C4orf50: variants seen among roughly 807,000 people sequenced by gnomAD.
C4orf50 encodes the protein uncharacterized protein C4orf50.
In C4orf50, 80 loss-of-function variants were observed where a neutral mutation model predicts 77.2. The ratio of observed to expected loss-of-function variants is 1.04; its 90% CI spans 0.87 to 1.25. The LOEUF is 1.25. Ranked by LOEUF, C4orf50 falls within the 50% of genes most tolerant of loss-of-function variation. C4orf50 has a pLI of 0.00. For missense variants in C4orf50, 1,257 were observed against 1,152.9 expected (o/e 1.09, Z -1.31); for synonymous variants, 532 against 465.3 (o/e 1.14, Z -1.84).
intron 7 of C4orf50, among the ~76,000 whole-genome samples, chr4:5,945,091 T>C (rs1345757976): frequency 6.6e-6 from 1 of 152,170 alleles, no homozygotes; most frequent in Non-Finnish European, 1.5e-5. Flanking sequence ...GCTCTAGCAC[T>C]GGAGCGTGCA....
exon 28 of C4orf50, chr4:5,988,501 G>C (rs760968901): frequency 1.2e-5 from 19 of 1,541,496 alleles, no homozygotes; most frequent in Non-Finnish European, 1.7e-5. Flanking sequence ...CCAGACCAGC[G>C]ATGGAGGGGG....
At chr4:5,961,433 A>G (rs989380431) in intron 33 of C4orf50, among the ~76,000 whole-genome samples, 2 of 152,268 alleles carry the variant, frequency 1.3e-5, no homozygotes, top group African/African-American at 4.8e-5. Context: ...ACAACAGTGA[A>G]CATTTACTGA....
At chr4:5,960,150 A>C (rs1719193131) in intron 33 of C4orf50, among the ~76,000 whole-genome samples, 1 of 152,170 alleles carries the variant, frequency 6.6e-6, no homozygotes, top group Non-Finnish European at 1.5e-5. Context: ...AGAGATTCTA[A>C]ATGCCTTCAT....
At chr4:5,985,486 A>G (rs900285184) in intron 28 of C4orf50, among the ~76,000 whole-genome samples, 2 of 152,106 alleles carry the variant, frequency 1.3e-5, no homozygotes, top group Non-Finnish European at 2.9e-5. Context: ...AATTTAAAGT[A>G]AATTTAAATA....
chr4:5,973,374 C>G (rs1017244976), intron 31 of C4orf50, among the ~76,000 whole-genome samples: 2 of 152,250 alleles, frequency 1.3e-5, no homozygotes, highest in African/African-American at 2.4e-5. Context: ...GTGACACACA[C>G]CCAATGAAGC....
chr4:5,987,412 CAAAAA>C (rs58512584), intron 28 of C4orf50, among the ~76,000 whole-genome samples: 392 of 33,610 alleles, frequency 0.012, 1 homozygote, highest in South Asian at 0.043. Context: ...CTCTGTCTCA[CAAAAA>C]AAAAAAAAAA....
At chr4:5,959,703 A>G in intron 33 of C4orf50, 77 bp from the exon 12 acceptor site, 1 of 1,507,264 alleles carries the variant, frequency 6.6e-7, no homozygotes, top group Non-Finnish European at 8.9e-7. Context: ...CATTTAATCA[A>G]AGGAAGAGAT....
Position 5,905,393 on chromosome 4 carries a change from GAGA to G in C4orf50, c.*2475-7208_*2475-7206del, listed in dbSNP as rs1367190456. 6.6e-6 allele frequency: 1 copy of G among 152,228 alleles called. No homozygotes were observed. The highest frequency in any genetic ancestry group is 1.5e-5 in the Non-Finnish European group (1 of 68,048). 9.4% of individuals were successfully genotyped at this position (152,228 alleles called of 1,614,324 possible). On this transcript the variant is annotated intron_variant, in intron 7 of 7. Transcript: ENST00000324058. This position sits in a 1 kb window ranked among gnomAD's most constrained non-coding sequence, Gnocchi z 5.4. ...GCCACCTCTGCTCTGTCGGTCAGTT[GAGA>G]AGGATGTAAATATTTTCCAGCTTGC...
Position 6,007,411 on chromosome 4 carries a change from C to T in C4orf50, c.963+585G>A, listed in dbSNP as rs1227037417. Among the ~76,000 whole-genome samples, 4 of 152,222 alleles carry T rather than the reference C, an allele frequency of 2.6e-5. No homozygotes were observed. Among genetic ancestry groups the T allele is most frequent in the African/African-American group, 9.6e-5 (4 of 41,526 alleles). On this transcript the variant is annotated intron_variant, in intron 25 of 33. Coordinates refer to ENST00000531445, the Ensembl canonical transcript of C4orf50. The surrounding 1 kb of genome is among the most constrained non-coding windows in gnomAD (Gnocchi z 4.1). The stretch of plus-strand genomic sequence containing the variant: ...CCCAGAAGGCTCCCTCTCCCTCCTG[C>T]CCTGTGAGGACCTAGTGAGAAGGCA...
At chr4:5,977,899 G>A (rs1720375080) in intron 29 of C4orf50, among the ~76,000 whole-genome samples, 1 of 152,168 alleles carries the variant, frequency 6.6e-6, no homozygotes. Flanking sequence ...AGAATTGGAG[G>A]AAATATTTGC....
At chr4:5,935,624 A>G (rs1001645676) in intron 7 of C4orf50, among the ~76,000 whole-genome samples, 2 of 151,866 alleles carry the variant, frequency 1.3e-5, no homozygotes, top group African/African-American at 4.8e-5. Flanking sequence ...CGTCTGTACT[A>G]AAAATACAAA....
chr4:6,014,315 G>A (rs1338751727), intron 23 of C4orf50, among the ~76,000 whole-genome samples: 1 of 152,094 alleles, frequency 6.6e-6, no homozygotes, highest in African/African-American at 2.4e-5. Context: ...ATTGTTTTAA[G>A]GGTTAATTAT....
chr4:5,926,893 T>C (rs538224784), intron 7 of C4orf50, among the ~76,000 whole-genome samples: 1 of 152,316 alleles, frequency 6.6e-6, no homozygotes, highest in Admixed American at 6.5e-5. Context: ...TGACCATTCA[T>C]CCGATCAGTA....
intron 25 of C4orf50, among the ~76,000 whole-genome samples, chr4:5,996,139 T>TG (rs1258892979): frequency 6.6e-6 from 1 of 152,224 alleles, no homozygotes; most frequent in Non-Finnish European, 1.5e-5. Flanking sequence ...TTGCGCCAGC[T>TG]TCCCCTCACA....
chr4:5,999,383 G>A lies in C4orf50; in HGVS notation c.964-4907C>T, dbSNP rs192585121. On this transcript the variant is annotated intron_variant, in intron 25 of 33. Coordinates refer to ENST00000531445, the Ensembl canonical transcript of C4orf50. ...ACCTCATAAGCTTGTTGTGGGGAACGCAACACATTACCACGCTGGGCAGGC... is the reference window on the plus strand; with the variant it reads ...ACCTCATAAGCTTGTTGTGGGGAACACAACACATTACCACGCTGGGCAGGC... 3.1e-4 allele frequency among the ~76,000 whole-genome samples: 47 copies of A among 152,264 alleles called. 1 individual carries two copies. Among genetic ancestry groups the A allele is most frequent in the African/African-American group, 8.7e-4 (36 of 41,542 alleles).
At chr4:5,977,136 A>AC (rs940758033) in intron 29 of C4orf50, among the ~76,000 whole-genome samples, 2 of 151,354 alleles carry the variant, frequency 1.3e-5, no homozygotes, top group East Asian at 1.9e-4. Context: ...GCCGCCGGGG[A>AC]CCCCCCAGCC....
intron 7 of C4orf50, among the ~76,000 whole-genome samples, chr4:5,918,302 G>C (rs1181265459): frequency 6.6e-6 from 1 of 152,238 alleles, no homozygotes; most frequent in African/African-American, 2.4e-5. Context: ...TGGGGAAGTG[G>C]AGTCACAGAG....
At chr4:5,924,418 C>G (rs12500189) in intron 7 of C4orf50, among the ~76,000 whole-genome samples, 62,231 of 152,068 alleles carry the variant, frequency 0.41, 14,339 homozygotes, top group East Asian at 0.77. Context: ...CCTATCTTAG[C>G]GAGAACTGGG....
At chr4:5,997,702 ATG>A (rs1317837908) in intron 25 of C4orf50, among the ~76,000 whole-genome samples, 1 of 152,262 alleles carries the variant, frequency 6.6e-6, no homozygotes, top group African/African-American at 2.4e-5. Context: ...ATAAACATGA[ATG>A]TGTTAGAGGC....
Sources: allele counts gnomAD v4.1 joint callset (sites outside exome capture counted in the v4.1 genomes callset), GRCh38; gene constraint gnomAD v4.1.1; non-coding constraint Gnocchi (gnomAD v3.1); transcripts MANE v1.5; gene names NCBI Gene and HGNC (gene_info 2026-07-23, HGNC 2026-07-21).